Variants in LRRC63 observed in about 807,000 individuals in gnomAD.
LRRC63 encodes the protein leucine rich repeat containing 63.
Under a neutral mutation model 49.5 loss-of-function variants are expected in LRRC63, and 40 were observed. The ratio of observed to expected loss-of-function variants is 0.81; its 90% CI spans 0.63 to 1.05. LRRC63 has a LOEUF of 1.05. Ranked by LOEUF, LRRC63 falls within the 50% of genes least tolerant of loss-of-function variation. The pLI is 0.00. For synonymous variants in LRRC63, 191 were observed against 221.1 expected (o/e 0.86, Z 1.21); for missense variants, 636 against 663.1 (o/e 0.96, Z 0.45).
chr13:46,266,791 T>A, exon 9 of LRRC63: 1 of 1,550,138 alleles, frequency 6.5e-7, no homozygotes, highest in Non-Finnish European at 8.7e-7. Context: ...CCATGGAATT[T>A]TGAAGCTTAA....
chr13:46,235,732 G>C (rs2046885730), intron 5 of LRRC63, among the ~76,000 whole-genome samples: 1 of 152,092 alleles, frequency 6.6e-6, no homozygotes, highest in Non-Finnish European at 1.5e-5. Flanking sequence ...TTATTCATGA[G>C]CATAAAAAGC....
At chr13:46,265,692 C>T (rs1322935104) in intron 8 of LRRC63, among the ~76,000 whole-genome samples, 1 of 152,214 alleles carries the variant, frequency 6.6e-6, no homozygotes, top group Admixed American at 6.5e-5. Flanking sequence ...GGGACAGAAA[C>T]ATTCAGACCA....
chr13:46,240,096 C>T (rs895804899), intron 5 of LRRC63, among the ~76,000 whole-genome samples: 1 of 150,848 alleles, frequency 6.6e-6, no homozygotes. Context: ...TGGAACAAGT[C>T]AAGGATACCC....
chr13:46,268,848 TG>T (rs1448659122), intron 9 of LRRC63, among the ~76,000 whole-genome samples: 1 of 148,364 alleles, frequency 6.7e-6, no homozygotes, highest in Admixed American at 6.6e-5. Flanking sequence ...GTCTATGATA[TG>T]GGGTTTAAAA....
chr13:46,250,263 A>C (rs2138523419), intron 6 of LRRC63, 92 bp from the exon 7 acceptor site: 2 of 1,115,890 alleles, frequency 1.8e-6, no homozygotes, highest in Non-Finnish European at 2.5e-6. Context: ...TAATGATTCT[A>C]CATTAGTTCA....
intron 5 of LRRC63, among the ~76,000 whole-genome samples, chr13:46,239,025 C>A (rs947438061): frequency 1.3e-5 from 2 of 152,054 alleles, no homozygotes; most frequent in Non-Finnish European, 2.9e-5. Context: ...ATGTCCACAT[C>A]AAAAAATTAG....
At chr13:46,243,633 T>G (rs924041986) in intron 5 of LRRC63, among the ~76,000 whole-genome samples, 11 of 152,164 alleles carry the variant, frequency 7.2e-5, no homozygotes, top group African/African-American at 2.6e-4. Flanking sequence ...AAAGTAAACT[T>G]TAAGTCAAGA....
intron 7 of LRRC63, among the ~76,000 whole-genome samples, chr13:46,251,102 T>C (rs1472006746): frequency 6.6e-6 from 1 of 151,848 alleles, no homozygotes; most frequent in Non-Finnish European, 1.5e-5. Context: ...CTTATTCCAA[T>C]CAGAGTTTAA....
At chr13:46,217,487 T>G (rs535084225) in intron 2 of LRRC63, among the ~76,000 whole-genome samples, 15 of 152,338 alleles carry the variant, frequency 9.8e-5, no homozygotes, top group Non-Finnish European at 1.8e-4. Context: ...TGTGTCTATT[T>G]GATTCTTCTC....
intron 2 of LRRC63, among the ~76,000 whole-genome samples, chr13:46,213,960 C>G (rs4942496): frequency 0.48 from 73,356 of 151,960 alleles, 19,293 homozygotes; most frequent in African/African-American, 0.67. Flanking sequence ...CACTGGGATA[C>G]TGATTGTAAT....
chr13:46,257,735 A>G (rs2047537973), intron 7 of LRRC63, among the ~76,000 whole-genome samples: 1 of 152,164 alleles, frequency 6.6e-6, no homozygotes, highest in African/African-American at 2.4e-5. Flanking sequence ...TGGTTACTCA[A>G]TTTGTTTGAA....
chr13:46,243,462 A>C (rs2047122389), intron 5 of LRRC63, among the ~76,000 whole-genome samples: 2 of 152,188 alleles, frequency 1.3e-5, no homozygotes, highest in African/African-American at 4.8e-5. Flanking sequence ...AAAACCTTGA[A>C]TATAAGTAAA....
chr13:46,240,313 G>C (rs1019054099), intron 5 of LRRC63, among the ~76,000 whole-genome samples: 1 of 151,750 alleles, frequency 6.6e-6, no homozygotes, highest in Admixed American at 6.6e-5. Context: ...ATTTTTAGTA[G>C]AGACAGGGTT....
intron 5 of LRRC63, among the ~76,000 whole-genome samples, 178 bp from the exon 6 acceptor site, chr13:46,246,349 A>G (rs2047211975): frequency 6.6e-6 from 1 of 152,164 alleles, no homozygotes; most frequent in African/African-American, 2.4e-5. Context: ...TTTACATACC[A>G]AAGAAATTAT....
At chr13:46,235,504 A>G (rs2046878661) in intron 5 of LRRC63, among the ~76,000 whole-genome samples, 1 of 152,130 alleles carries the variant, frequency 6.6e-6, no homozygotes, top group African/African-American at 2.4e-5. Context: ...TAGAAATAGA[A>G]ACCAAAACAA....
intron 7 of LRRC63, among the ~76,000 whole-genome samples, chr13:46,261,438 G>A (rs773062107): frequency 2.8e-4 from 42 of 152,304 alleles, no homozygotes; most frequent in African/African-American, 5.5e-4. Context: ...TCCACAAGCC[G>A]TGGAATGCCA....
chr13:46,248,423 A>G (rs1460776596), intron 6 of LRRC63, among the ~76,000 whole-genome samples: 2 of 151,976 alleles, frequency 1.3e-5, no homozygotes, highest in African/African-American at 4.8e-5. Context: ...CACACTTAAG[A>G]TTGAAGAGGT....
rs371874355 is a variant in LRRC63, at chr13:46,269,630, ATATCT to A, written c.1550+2661_1550+2665del. On this transcript the variant is annotated intron_variant, in intron 9 of 9. Coordinates refer to ENST00000595396, the Ensembl canonical transcript of LRRC63. Reference sequence around the variant, plus strand: ...CTGTATGACTTCATGGTAGGCAGACATATCTTAACTGCAAAGCAAAAAATATAAAC... The same window carrying A: ...CTGTATGACTTCATGGTAGGCAGACATAACTGCAAAGCAAAAAATATAAAC... Among the ~76,000 whole-genome samples the A allele has an allele frequency of 1.1e-3, 167 of 152,188 alleles. 2 individuals are homozygous for A. The highest frequency in any genetic ancestry group is 3.4e-3 in the African/African-American group (140 of 41,556).
At chr13:46,214,573 C>T (rs1351108132) in intron 2 of LRRC63, among the ~76,000 whole-genome samples, 1 of 151,868 alleles carries the variant, frequency 6.6e-6, no homozygotes, top group Non-Finnish European at 1.5e-5. Context: ...GAAAGCAGAG[C>T]TCTCTTGCTC....
Sources: gnomAD v4.1 joint callset for allele counts (sites outside exome capture counted in the v4.1 genomes callset) on GRCh38, gnomAD v4.1.1 for gene constraint, MANE v1.5 for transcripts, NCBI Gene and HGNC (gene_info 2026-07-23, HGNC 2026-07-21) for gene names.